The following FAM149A variants were observed in gnomAD, a reference collection of about 807,000 sequenced individuals.
The protein encoded by FAM149A is protein FAM149A.
FAM149A carries 71 observed loss-of-function variants against 78.2 expected under a neutral mutation model. The ratio of observed to expected loss-of-function variants is 0.91; its 90% confidence interval spans 0.75 to 1.11. FAM149A has a LOEUF of 1.11. FAM149A is among the 50% of genes least tolerant of loss of function. FAM149A has a pLI of 0.00. For synonymous variants in FAM149A, 446 were observed against 410.5 expected, an observed-to-expected ratio of 1.09 and a Z score of -1.04; for missense variants, 1,036 against 971.0, an observed-to-expected ratio of 1.07 and a Z score of -0.89.
chr4:186,113,591 G>A (rs1262147884), intron 1 of FAM149A, among the ~76,000 whole-genome samples: 1 of 143,614 alleles, frequency 7.0e-6, no homozygotes, highest in East Asian at 2.0e-4. Context: ...CTAGTATGTT[G>A]TGTCTTTGTT....
intron 13 of FAM149A, chr4:186,167,510 T>G: frequency 5.8e-6 from 1 of 172,336 alleles, no homozygotes; most frequent in South Asian, 4.5e-5. Flanking sequence ...GGGGCCTCAC[T>G]CAAAAAAAAA....
At chr4:186,113,826 T>C (rs1272097690) in intron 1 of FAM149A, among the ~76,000 whole-genome samples, 2 of 151,164 alleles carry the variant, frequency 1.3e-5, no homozygotes, top group Non-Finnish European at 3.0e-5. Flanking sequence ...ATGTGGTCAA[T>C]TTTGGAATAG....
At chr4:186,131,240 C>T (rs180681888) in intron 1 of FAM149A, among the ~76,000 whole-genome samples, 10 of 152,038 alleles carry the variant, frequency 6.6e-5, no homozygotes, top group African/African-American at 1.7e-4. Context: ...CCCATTTACT[C>T]GGGAGGCTGA....
chr4:186,127,052 G>A lies in FAM149A; in HGVS notation c.566+21410G>A. ...AATTACAAGTGTTGCGGGCAGGACA[G>A]TTACTTCACAGGCAGAAGTAGTGTC... On this transcript the variant is annotated intron_variant, in intron 1 of 13. Transcript: ENST00000389354. The A allele has an allele frequency of 3.0e-6, 3 of 985,380 alleles. No homozygotes were observed. The South Asian group carries it at 1.4e-4, about 46-fold the overall frequency. 61.0% of individuals were successfully genotyped at this position (985,380 alleles called of 1,614,324 possible).
chr4:186,106,505 C>T (rs1477585158), intron 1 of FAM149A, among the ~76,000 whole-genome samples: 1 of 152,148 alleles, frequency 6.6e-6, no homozygotes, highest in African/African-American at 2.4e-5. Context: ...AGCCAATTCA[C>T]AGACTGAGGT....
At chr4:186,116,256 G>C (rs892561403) in intron 1 of FAM149A, 1 of 152,266 alleles carries the variant, frequency 6.6e-6, no homozygotes, top group African/African-American at 2.6e-5. Context: ...TTCGGCTCGC[G>C]CACGGTGCGC....
At chr4:186,108,556 G>A (rs552532076) in intron 1 of FAM149A, among the ~76,000 whole-genome samples, 6 of 151,934 alleles carry the variant, frequency 3.9e-5, no homozygotes, top group Non-Finnish European at 8.8e-5. Flanking sequence ...CAAGAATTCC[G>A]TAAGTGAAAG....
intron 3 of FAM149A, among the ~76,000 whole-genome samples, chr4:186,150,648 T>C (rs1446422220): frequency 6.8e-6 from 1 of 146,164 alleles, no homozygotes; most frequent in Non-Finnish European, 1.5e-5. Flanking sequence ...CTCGATCTCC[T>C]GACCTCGTGA....
At chr4:186,158,070 C>A in intron 8 of FAM149A, 1 of 1,366,774 alleles carries the variant, frequency 7.3e-7, no homozygotes, top group Non-Finnish European at 9.6e-7. Flanking sequence ...CTGGGAGAAG[C>A]TGCTGCTGGC....
rs1300004302 is a variant in FAM149A, at chr4:186,151,947, G to A, written c.834G>A (p.Trp278Ter). The change falls in exon 4 of 14, where the codon TGG becomes TGA. Residue 278 changes from tryptophan to a stop codon, truncating the protein, a stop_gained. Coordinates refer to ENST00000389354, the MANE Select transcript of FAM149A (RefSeq NM_001367768.3). LOFTEE classifies it high-confidence loss of function. Reference sequence around the variant, plus strand: ...CACAGTCAGTGCAGCGGTTACTCTGGGAGGTGGAGGAAATGTTATTTGAAG... The same window carrying A: ...CACAGTCAGTGCAGCGGTTACTCTGAGAGGTGGAGGAAATGTTATTTGAAG... 1 of 1,614,178 alleles carries A rather than the reference G, an allele frequency of 6.2e-7. No homozygotes were observed.
At chr4:186,130,263 A>ATCTCTCTCTCCC (rs1554068049) in intron 1 of FAM149A, 12 of 67,112 alleles carry the variant, frequency 1.8e-4, no homozygotes, top group African/African-American at 6.4e-4. Context: ...ACTTTATGAA[A>ATCTCTCTCTCCC]TCTCTCTCTC....
chr4:186,120,897 A>G (rs2099315796), intron 1 of FAM149A, among the ~76,000 whole-genome samples: 1 of 105,544 alleles, frequency 9.5e-6, no homozygotes, highest in Non-Finnish European at 1.7e-5. Flanking sequence ...TCTGTTGTCC[A>G]GGCTGGAGTG....
intron 1 of FAM149A, chr4:186,117,336 A>C: frequency 1.5e-6 from 1 of 665,608 alleles, no homozygotes; most frequent in Non-Finnish European, 1.9e-6. Context: ...ACATGGAGCT[A>C]GATTTTTGAG....
chr4:186,126,172 G>A (rs2099318249), intron 1 of FAM149A: 1 of 868,800 alleles, frequency 1.2e-6, no homozygotes, highest in Non-Finnish European at 1.4e-6. Context: ...ATTACTAGGG[G>A]TACCTCGAGT....
chr4:186,140,245 T>C lies in FAM149A; in HGVS notation c.567-8928T>C, dbSNP rs567699980. The stretch of plus-strand genomic sequence containing the variant: ...TTATAATTTTTGGAATAACTTTATA[T>C]CTTATATTACTAATTAATTTTCAGA... On this transcript the variant is annotated intron_variant, in intron 1 of 13. Coordinates refer to ENST00000389354, the MANE Select transcript of FAM149A (RefSeq NM_001367768.3). Among the ~76,000 whole-genome samples, 26 of 152,318 alleles carry C rather than the reference T, an allele frequency of 1.7e-4. No individual in the cohort carries two copies. The South Asian group carries it at 5.2e-3, about 30-fold the overall frequency.
At chr4:186,119,142 G>A (rs1333554943) in intron 1 of FAM149A, among the ~76,000 whole-genome samples, 1 of 152,060 alleles carries the variant, frequency 6.6e-6, no homozygotes, top group Non-Finnish European at 1.5e-5. Context: ...CACCTTTTTG[G>A]ATATGCAGAA....
chr4:186,109,743 A>G, intron 1 of FAM149A: 1 of 980,528 alleles, frequency 1.0e-6, no homozygotes, highest in Non-Finnish European at 1.2e-6. Flanking sequence ...TGAAAGAAAC[A>G]TTCTAGGTGA....
At chr4:186,169,629 G>T (rs1054986709) in intron 13 of FAM149A, 3 of 985,282 alleles carry the variant, frequency 3.0e-6, no homozygotes, top group Non-Finnish European at 3.6e-6. Flanking sequence ...ATTCAGGAAT[G>T]AATTAAAAAC....
intron 1 of FAM149A, among the ~76,000 whole-genome samples, chr4:186,126,250 G>A (rs2099318283): frequency 6.6e-6 from 1 of 151,948 alleles, no homozygotes; most frequent in East Asian, 1.9e-4. Context: ...ACATCTTCCC[G>A]AGATGCCCCT....
Sources: allele counts gnomAD v4.1 joint callset (sites outside exome capture counted in the v4.1 genomes callset), GRCh38; gene constraint gnomAD v4.1.1; transcripts MANE v1.5; gene names NCBI Gene and HGNC (gene_info 2026-07-23, HGNC 2026-07-21).